Variants in ZBTB20 observed in about 807,000 individuals in gnomAD.
The protein encoded by ZBTB20 is zinc finger and BTB domain-containing protein 20.
Under a neutral mutation model 56.9 loss-of-function variants are expected in ZBTB20, and 9 were observed. The ratio of observed to expected loss-of-function variants is 0.16; its 90% CI spans 0.10 to 0.28. The LOEUF (loss-of-function observed/expected upper bound fraction) is 0.28. Ranked by LOEUF, ZBTB20 falls within the 10% of genes least tolerant of loss-of-function variation. The probability of loss-of-function intolerance (pLI) is 1.00; values close to 1 mark genes in which losing one functional copy is unlikely to be tolerated. For synonymous variants in ZBTB20, 417 were observed against 420.7 expected (o/e 0.99, Z 0.11); for missense variants, 655 against 1,003.0 (o/e 0.65, Z 4.69).
chr3:114,842,761 G>T (rs2074439212), intron 4 of ZBTB20, among the ~76,000 whole-genome samples: 1 of 152,178 alleles, frequency 6.6e-6, no homozygotes, highest in Non-Finnish European at 1.5e-5. Flanking sequence ...GAAACGTATA[G>T]GTTAGTGTGC....
At chr3:114,692,612 T>A (rs145154232) in intron 6 of ZBTB20, among the ~76,000 whole-genome samples, 52 of 152,180 alleles carry the variant, frequency 3.4e-4, no homozygotes, top group Non-Finnish European at 5.4e-4. Context: ...AAGTCACCCT[T>A]TTCCTCCTCC....
chr3:115,092,820 T>C (rs969871642), intron 1 of ZBTB20, among the ~76,000 whole-genome samples: 3 of 152,138 alleles, frequency 2.0e-5, no homozygotes, highest in Non-Finnish European at 4.4e-5. Flanking sequence ...ACAGACTCAA[T>C]AATACATTAT....
At chr3:114,881,955 A>G (rs1363140922) in intron 4 of ZBTB20, among the ~76,000 whole-genome samples, 1 of 151,944 alleles carries the variant, frequency 6.6e-6, no homozygotes, top group Non-Finnish European at 1.5e-5. Context: ...TTTCTAAGCC[A>G]TAAAGGAAAT....
intron 2 of ZBTB20, among the ~76,000 whole-genome samples, chr3:115,011,059 A>C (rs1576556943): frequency 6.6e-6 from 1 of 152,072 alleles, no homozygotes; most frequent in African/African-American, 2.4e-5. Context: ...AAGCGGAAGA[A>C]AGAATCAGTG....
At chr3:115,026,859 A>G (rs2080447193) in intron 2 of ZBTB20, among the ~76,000 whole-genome samples, 2 of 150,716 alleles carry the variant, frequency 1.3e-5, no homozygotes, top group Admixed American at 1.3e-4. Context: ...CAACAGTAAC[A>G]ATATAAAAAA....
intron 2 of ZBTB20, among the ~76,000 whole-genome samples, chr3:114,994,412 A>AAT (rs1416969288): frequency 2.0e-5 from 3 of 151,896 alleles, no homozygotes; most frequent in Non-Finnish European, 4.4e-5. Context: ...AAGAAAAATA[A>AAT]ATATCCAAAC....
intron 2 of ZBTB20, among the ~76,000 whole-genome samples, chr3:114,985,244 A>T (rs1311620520): frequency 1.3e-5 from 2 of 152,220 alleles, no homozygotes; most frequent in African/African-American, 4.8e-5. Context: ...GATAGATCTG[A>T]GTAACGAATA....
chr3:114,700,560 G>A (rs2063332209), intron 5 of ZBTB20, among the ~76,000 whole-genome samples: 1 of 152,042 alleles, frequency 6.6e-6, no homozygotes, highest in Admixed American at 6.6e-5. Context: ...ACTACATCAG[G>A]ACACCTTTCG....
intron 3 of ZBTB20, among the ~76,000 whole-genome samples, chr3:114,959,057 C>T (rs2077349756): frequency 1.3e-5 from 2 of 152,074 alleles, no homozygotes; most frequent in African/African-American, 2.4e-5. Context: ...CACAAATACT[C>T]TGAATGTCTC....
chr3:114,534,660 T>C (rs2048258543), intron 6 of ZBTB20, among the ~76,000 whole-genome samples: 1 of 152,062 alleles, frequency 6.6e-6, no homozygotes, highest in African/African-American at 2.4e-5. Context: ...TCTACAGAAC[T>C]CTCCACCCCA....
chr3:114,550,966 G>A (rs2110194034), intron 6 of ZBTB20, among the ~76,000 whole-genome samples: 1 of 152,226 alleles, frequency 6.6e-6, no homozygotes, highest in Middle Eastern at 3.4e-3. Context: ...GGCCAGGCTT[G>A]TGTTGAACTC....
chr3:115,018,702 A>T (rs1017063203), intron 2 of ZBTB20, among the ~76,000 whole-genome samples: 1 of 151,494 alleles, frequency 6.6e-6, no homozygotes, highest in Non-Finnish European at 1.5e-5. Context: ...TGAAAAATTG[A>T]TTATGAGATA....
chr3:115,015,210 A>C (rs1269879023), intron 2 of ZBTB20, among the ~76,000 whole-genome samples: 2 of 151,888 alleles, frequency 1.3e-5, no homozygotes, highest in Non-Finnish European at 2.9e-5. Flanking sequence ...AGATCAGCTA[A>C]TTAAGCAATA....
chr3:114,827,116 C>T (rs1418324086), intron 4 of ZBTB20, among the ~76,000 whole-genome samples: 1 of 151,694 alleles, frequency 6.6e-6, no homozygotes, highest in Non-Finnish European at 1.5e-5. Context: ...TCATGTATTA[C>T]ATAATAGTTG....
intron 3 of ZBTB20, among the ~76,000 whole-genome samples, chr3:114,955,649 T>C (rs1398670049): frequency 6.6e-6 from 1 of 152,102 alleles, no homozygotes; most frequent in Non-Finnish European, 1.5e-5. Context: ...GGGAAGATGA[T>C]GGTAAGTCAT....
At chr3:114,977,115 A>G (rs2078134070) in intron 2 of ZBTB20, among the ~76,000 whole-genome samples, 1 of 152,230 alleles carries the variant, frequency 6.6e-6, no homozygotes, top group Non-Finnish European at 1.5e-5. Flanking sequence ...AGTTATTAAC[A>G]TGAGGCCACT....
chr3:114,888,881 T>C (rs2076704051), intron 4 of ZBTB20, among the ~76,000 whole-genome samples: 1 of 152,146 alleles, frequency 6.6e-6, no homozygotes, highest in African/African-American at 2.4e-5. Context: ...TCTATTTACT[T>C]TCTGTGCATA....
chr3:115,085,335 T>A (rs1174629959), intron 1 of ZBTB20, among the ~76,000 whole-genome samples: 1 of 151,936 alleles, frequency 6.6e-6, no homozygotes, highest in African/African-American at 2.4e-5. Flanking sequence ...GGTTTTGGGA[T>A]GTGAACAAAT....
intron 5 of ZBTB20, among the ~76,000 whole-genome samples, chr3:114,724,181 A>G (rs1480952044): frequency 1.3e-5 from 2 of 152,012 alleles, no homozygotes; most frequent in Admixed American, 1.3e-4. Flanking sequence ...TCCCAAAGAT[A>G]TACTTGGGTT....
Sources: allele counts gnomAD v4.1 joint callset (sites outside exome capture counted in the v4.1 genomes callset), GRCh38; gene constraint gnomAD v4.1.1; transcripts MANE v1.5; gene names NCBI Gene and HGNC (gene_info 2026-07-23, HGNC 2026-07-21).